KRT26: variants seen among roughly 807,000 people sequenced by gnomAD.
KRT26 encodes keratin 26, also known as keratin, type I cytoskeletal 26.
KRT26 carries 45 observed loss-of-function variants against 46.1 expected under a neutral mutation model. The ratio of observed to expected loss-of-function variants is 0.98; its 90% CI spans 0.77 to 1.25. The LOEUF (loss-of-function observed/expected upper bound fraction) is 1.25. Among genes scored for constraint, KRT26 ranks in the 50% most tolerant of loss-of-function variants. KRT26 has a pLI of 0.00. For synonymous variants in KRT26, 191 were observed against 209.9 expected (o/e 0.91, Z 0.78); for missense variants, 582 against 560.1 (o/e 1.04, Z -0.39).
chr17:40,768,297 A>G (rs1273821472), intron 6 of KRT26, among the ~76,000 whole-genome samples: 1 of 152,224 alleles, frequency 6.6e-6, no homozygotes, highest in African/African-American at 2.4e-5. Flanking sequence ...GTAGTGAGAC[A>G]TTATAGTTAA....
intron 2 of KRT26, 65 bp from the exon 3 acceptor site, chr17:40,770,474 G>C (rs2038214396): frequency 7.6e-7 from 1 of 1,319,672 alleles, no homozygotes; most frequent in Non-Finnish European, 1.0e-6. Context: ...AACTTTTTAA[G>C]GTATTTCATA....
chr17:40,766,242 A>C, exon 8 of KRT26: 1 of 264,310 alleles, frequency 3.8e-6, no homozygotes, highest in Non-Finnish European at 7.0e-6. Flanking sequence ...AATAACTTGC[A>C]ATAGAAGAAT....
At position 40,772,104 on chromosome 17, in the gene KRT26, G is replaced by A. The variant is rs376841856; in HGVS notation, c.10C>T (p.Arg4Ter). The stretch of plus-strand genomic sequence containing the variant: ...ATCCTCCTGGATCCACCAGAAAGTC[G>A]AAAAGACATGGTGGCAGCACAGCCG... The change falls in exon 1 of 8, where the codon CGA becomes TGA. Residue 4 changes from arginine (R) to a stop codon, truncating the protein, a stop_gained. Coordinates refer to ENST00000335552, the Ensembl canonical transcript of KRT26. LOFTEE classifies it high-confidence loss of function. 30 of 1,613,646 alleles carry A rather than the reference G, an allele frequency of 1.9e-5. No homozygotes were observed. Among genetic ancestry groups the A allele is most frequent in the African/African-American group, 6.7e-5 (5 of 74,910 alleles).
In KRT26 at chr17:40,770,369, C is replaced by T. The variant is rs117795478; in HGVS notation, c.565G>A (p.Asp189Asn). 2.3e-3 allele frequency: 3,671 copies of T among 1,612,656 alleles called. 7 individuals carry two copies. The highest frequency in any genetic ancestry group is 2.8e-3 in the Non-Finnish European group (3,327 of 1,179,346). The change falls in exon 3 of 8, where the codon GAC becomes AAC. Residue 189 changes from aspartate to asparagine, a missense_variant. Physicochemically the swap from Asp to Asn is conservative, Grantham distance 23. Transcript: ENST00000335552. ...AACACTCTGCGAAGACCACTGGTGT[C>T]GGCCTCAACACTGTGGTGCAGAGCC...
chr17:40,770,051 G>A (rs1465808892), exon 4 of KRT26: 2 of 1,613,964 alleles, frequency 1.2e-6, no homozygotes, highest in African/African-American at 1.3e-5. Flanking sequence ...GGACAGTTAG[G>A]TCCACTCCTG....
chr17:40,770,434 G>A lies in KRT26; in HGVS notation c.525-25C>T, dbSNP rs753679614. 13 of 1,558,682 alleles carry A rather than the reference G, an allele frequency of 8.3e-6. No homozygotes were observed. In the South Asian group the frequency reaches 1.6e-4, roughly 19 times the overall value. On this transcript the variant is annotated intron_variant, in intron 2 of 7. Coordinates refer to ENST00000335552, the Ensembl canonical transcript of KRT26. ...CCTGAAAGATTAGTAAGGCACCTGAGAGTTGTCATCGTAGGCAGGTGCAAA... is the reference window on the plus strand; with the variant it reads ...CCTGAAAGATTAGTAAGGCACCTGAAAGTTGTCATCGTAGGCAGGTGCAAA...
At position 40,768,817 on chromosome 17, in the gene KRT26, T is replaced by C. The variant is rs924471836; in HGVS notation, c.1187+62A>G. ...TTCTAGGATGCAATATTGGCATACC[T>C]ATACTGTGGGAAAACCTAGTTAATG... On this transcript the variant is annotated intron_variant, in intron 6 of 7. Transcript: ENST00000335552. 1.4e-5 allele frequency: 12 copies of C among 881,852 alleles called. No individual in the cohort carries two copies. In the African/African-American group the frequency reaches 2.0e-4, roughly 15 times the overall value. 54.6% of individuals were successfully genotyped at this position (881,852 alleles called of 1,614,324 possible). A position where few individuals can be genotyped will look rare whatever the true frequency, so the allele number is the denominator to read the frequency against.
intron 2 of KRT26, 55 bp downstream of exon 2, chr17:40,771,099 C>A: frequency 9.8e-7 from 1 of 1,024,554 alleles, no homozygotes; most frequent in Non-Finnish European, 1.4e-6. Flanking sequence ...TTCCTTAATC[C>A]AATTGTAATA....
At chr17:40,767,365 G>T (rs1331424308) in intron 7 of KRT26, among the ~76,000 whole-genome samples, 1 of 152,142 alleles carries the variant, frequency 6.6e-6, no homozygotes, top group African/African-American at 2.4e-5. Context: ...CATGTTGTGG[G>T]ATTAATTCCT....
intron 6 of KRT26, among the ~76,000 whole-genome samples, chr17:40,768,153 C>A (rs1322796745): frequency 6.6e-6 from 1 of 152,168 alleles, no homozygotes; most frequent in African/African-American, 2.4e-5. Context: ...GAATAGGCTG[C>A]AGAGGGCTGA....
chr17:40,767,551 A>C, intron 7 of KRT26, 35 bp downstream of exon 7: 2 of 1,278,330 alleles, frequency 1.6e-6, no homozygotes, highest in Non-Finnish European at 2.2e-6. Flanking sequence ...ATGGAGTTTA[A>C]GGAGTTACAC....
intron 2 of KRT26, 102 bp from the exon 3 acceptor site, chr17:40,770,511 T>C (rs1166609462): frequency 1.1e-6 from 1 of 902,584 alleles, no homozygotes; most frequent in African/African-American, 1.7e-5. Context: ...GTTCTGTACA[T>C]ACCTCTGAAG....
chr17:40,771,114 A>T, intron 2 of KRT26, 40 bp downstream of exon 2: 1 of 1,198,816 alleles, frequency 8.3e-7, no homozygotes, highest in Non-Finnish European at 1.2e-6. Flanking sequence ...GTAATATTTT[A>T]ACTTTTATTA....
exon 8 of KRT26, chr17:40,766,582 A>G (rs1343714559): frequency 1.2e-6 from 2 of 1,613,270 alleles, no homozygotes; most frequent in Non-Finnish European, 1.7e-6. Flanking sequence ...CTTTTCTTCA[A>G]CTGAGTGGAC....
exon 7 of KRT26, chr17:40,767,631 T>C (rs767077333): frequency 6.2e-7 from 1 of 1,606,836 alleles, no homozygotes; most frequent in Admixed American, 1.7e-5. Context: ...CCTTTTGATT[T>C]GTAACATGTG....
chr17:40,769,153 T>TTATA, intron 5 of KRT26, 57 bp from the exon 6 acceptor site: 1 of 1,075,164 alleles, frequency 9.3e-7, no homozygotes, highest in Non-Finnish European at 1.4e-6. Flanking sequence ...CATGGTCATC[T>TTATA]TATATTATTT....
exon 1 of KRT26, chr17:40,772,095 C>T (rs2038227618): frequency 1.2e-6 from 2 of 1,613,954 alleles, no homozygotes; most frequent in Non-Finnish European, 1.7e-6. Context: ...CTGGATCCAC[C>T]AGAAAGTCGA....
chr17:40,769,541 G>C (rs544691450), intron 5 of KRT26, among the ~76,000 whole-genome samples: 1 of 152,218 alleles, frequency 6.6e-6, no homozygotes, highest in Non-Finnish European at 1.5e-5. Context: ...ATCAACATTT[G>C]CAAGATTTAA....
In KRT26 at chr17:40,771,654, G is replaced by A. The variant is rs2038221660; in HGVS notation, c.441+19C>T. ...CACACAAAGTCTGTAGTAAAAGTAT[G>A]CAAATCCCTATTTCTTACCTGCCTT... On this transcript the variant is annotated intron_variant, in intron 1 of 7. Coordinates refer to ENST00000335552, the Ensembl canonical transcript of KRT26. The A allele has an allele frequency of 1.9e-6, 3 of 1,583,106 alleles. No individual in the cohort carries two copies. In the East Asian group the frequency reaches 6.7e-5, roughly 36 times the overall value.
Sources: allele counts gnomAD v4.1 joint callset (sites outside exome capture counted in the v4.1 genomes callset), GRCh38; gene constraint gnomAD v4.1.1; transcripts MANE v1.5; gene names NCBI Gene and HGNC (gene_info 2026-07-23, HGNC 2026-07-21).